The following CDKAL1 variants were observed in gnomAD, a reference collection of about 807,000 sequenced individuals.
CDKAL1 encodes threonylcarbamoyladenosine tRNA methylthiotransferase.
A neutral mutation model predicts 68.2 loss-of-function variants in CDKAL1; 32 were observed. The ratio of observed to expected loss-of-function variants is 0.47; its 90% CI spans 0.35 to 0.63. The LOEUF is 0.63. Ranked by LOEUF, CDKAL1 falls within the 30% of genes least tolerant of loss-of-function variation. The pLI, the probability that CDKAL1 is intolerant of heterozygous loss-of-function variation, is 0.00. For missense variants in CDKAL1, 606 were observed against 696.7 expected (o/e 0.87, Z 1.47); for synonymous variants, 234 against 244.3 (o/e 0.96, Z 0.39).
chr6:20,931,295 T>G (rs2150674177), intron 9 of CDKAL1, among the ~76,000 whole-genome samples: 1 of 152,322 alleles, frequency 6.6e-6, no homozygotes, highest in South Asian at 2.1e-4. Context: ...ATAATTGGCC[T>G]CGTGCCAGAC....
At chr6:21,044,148 C>G (rs955197160) in intron 11 of CDKAL1, among the ~76,000 whole-genome samples, 1 of 145,000 alleles carries the variant, frequency 6.9e-6, no homozygotes, top group South Asian at 2.1e-4. Flanking sequence ...TTTTTCCTCC[C>G]TGTGTTATTC....
At chr6:20,788,142 T>C (rs1399281840) in intron 8 of CDKAL1, among the ~76,000 whole-genome samples, 2 of 152,198 alleles carry the variant, frequency 1.3e-5, no homozygotes, top group African/African-American at 4.8e-5. Context: ...GCTTCTAGTA[T>C]TGACTAAAGA....
At chr6:20,845,564 A>T (rs1261480982) in intron 8 of CDKAL1, among the ~76,000 whole-genome samples, 2 of 152,070 alleles carry the variant, frequency 1.3e-5, no homozygotes, top group African/African-American at 2.4e-5. Flanking sequence ...GTGAAAAAAG[A>T]TTATCTAAAA....
intron 11 of CDKAL1, among the ~76,000 whole-genome samples, chr6:21,030,106 A>G (rs1159736505): frequency 6.6e-6 from 1 of 152,226 alleles, no homozygotes; most frequent in African/African-American, 2.4e-5. Context: ...CTGGACAAAT[A>G]AAGAAATGTG....
chr6:21,217,678 A>G (rs937961142), intron 15 of CDKAL1, among the ~76,000 whole-genome samples: 1 of 151,952 alleles, frequency 6.6e-6, no homozygotes, highest in Non-Finnish European at 1.5e-5. Context: ...TTATATTTTT[A>G]GTAGAGACAG....
chr6:20,920,699 T>C (rs1782400894), intron 9 of CDKAL1, among the ~76,000 whole-genome samples: 2 of 152,222 alleles, frequency 1.3e-5, no homozygotes, highest in South Asian at 4.1e-4. Flanking sequence ...TTCTAATTGT[T>C]TGTGGGCTGT....
intron 4 of CDKAL1, among the ~76,000 whole-genome samples, chr6:20,638,180 T>C (rs925999715): frequency 3.3e-5 from 5 of 152,230 alleles, no homozygotes; most frequent in African/African-American, 1.2e-4. Flanking sequence ...AGTACTGTTT[T>C]CTCACAGTTA....
chr6:20,973,416 T>A (rs1206114213), intron 10 of CDKAL1, among the ~76,000 whole-genome samples: 1 of 152,086 alleles, frequency 6.6e-6, no homozygotes, highest in East Asian at 1.9e-4. Context: ...AGCTAGCCAG[T>A]GAGCGGGGAG....
At chr6:20,906,121 G>A (rs966297456) in intron 9 of CDKAL1, among the ~76,000 whole-genome samples, 4 of 152,090 alleles carry the variant, frequency 2.6e-5, no homozygotes, top group African/African-American at 7.2e-5. Flanking sequence ...AGAGAGTAAC[G>A]ACTAACATTT....
chr6:21,200,446 G>C (rs1273079377), intron 14 of CDKAL1, among the ~76,000 whole-genome samples: 1 of 152,176 alleles, frequency 6.6e-6, no homozygotes, highest in African/African-American at 2.4e-5. Context: ...TTATTGGAAG[G>C]TTCTTTTAAA....
rs373407999 is a variant in CDKAL1 at position 20,916,277 on chromosome 6, G to T, written c.743-39142G>T. Among the ~76,000 whole-genome samples, 17 of 152,238 alleles carry T rather than the reference G, an allele frequency of 1.1e-4. No homozygotes were observed. The East Asian group carries it at 1.5e-3, about 14-fold the overall frequency. On this transcript the variant is annotated intron_variant, in intron 9 of 15. Coordinates refer to ENST00000274695, the MANE Select transcript of CDKAL1 (RefSeq NM_017774.3). ...TTTGTTCTTGATAATTGATACCATG[G>T]TTACACAAGATGATATCATTCGGGG...
At chr6:20,974,784 G>A (rs1330956965) in intron 10 of CDKAL1, among the ~76,000 whole-genome samples, 1 of 146,302 alleles carries the variant, frequency 6.8e-6, no homozygotes, top group Non-Finnish European at 1.5e-5. Flanking sequence ...TTCGAAACCA[G>A]ACTGGGCAAC....
intron 8 of CDKAL1, among the ~76,000 whole-genome samples, chr6:20,802,732 C>T (rs1158816079): frequency 6.6e-6 from 1 of 152,084 alleles, no homozygotes; most frequent in African/African-American, 2.4e-5. Flanking sequence ...TTTTGATGTT[C>T]GTTTCAAAAA....
At chr6:20,651,498 A>T (rs1768769623) in intron 5 of CDKAL1, among the ~76,000 whole-genome samples, 2 of 152,326 alleles carry the variant, frequency 1.3e-5, no homozygotes, top group Admixed American at 1.3e-4. Context: ...TGTCATCTGC[A>T]AACAGAGACA....
chr6:20,875,038 G>A (rs753390687), intron 9 of CDKAL1, among the ~76,000 whole-genome samples: 3 of 151,622 alleles, frequency 2.0e-5, no homozygotes, highest in South Asian at 2.1e-4. Context: ...GGTGGCTCAC[G>A]CCTGTAATCC....
chr6:20,635,494 T>C (rs1308546730), intron 4 of CDKAL1, among the ~76,000 whole-genome samples: 1 of 152,218 alleles, frequency 6.6e-6, no homozygotes, highest in Non-Finnish European at 1.5e-5. Flanking sequence ...TTGGATTTTT[T>C]TTTTCCAGAT....
At chr6:20,748,142 A>G (rs1773741377) in intron 6 of CDKAL1, among the ~76,000 whole-genome samples, 1 of 152,218 alleles carries the variant, frequency 6.6e-6, no homozygotes, top group Non-Finnish European at 1.5e-5. Context: ...TAGCCAAAAC[A>G]GTCTTGAAAA....
At chr6:20,650,336 A>C (rs1013281337) in intron 5 of CDKAL1, among the ~76,000 whole-genome samples, 1 of 151,920 alleles carries the variant, frequency 6.6e-6, no homozygotes, top group African/African-American at 2.4e-5. Flanking sequence ...TTTTTTTCAT[A>C]TGTTTTTTTG....
intron 4 of CDKAL1, among the ~76,000 whole-genome samples, chr6:20,598,045 A>G (rs1581791858): frequency 6.6e-6 from 1 of 152,076 alleles, no homozygotes. Flanking sequence ...CTCTCTGTCC[A>G]TTAATATCTG....
Sources: allele counts gnomAD v4.1 joint callset (sites outside exome capture counted in the v4.1 genomes callset), GRCh38; gene constraint gnomAD v4.1.1; transcripts MANE v1.5; gene names NCBI Gene and HGNC (gene_info 2026-07-23, HGNC 2026-07-21).